The following SORCS1 variants were observed in gnomAD, a reference collection of about 807,000 sequenced individuals.
SORCS1 encodes the protein VPS10 domain-containing receptor SorCS1.
Under a neutral mutation model 146.1 loss-of-function variants are expected in SORCS1, and 60 were observed. That is an observed-to-expected ratio of 0.41 (90% CI 0.33 to 0.51). SORCS1 has a LOEUF of 0.51. Among genes scored for constraint, SORCS1 ranks in the 20% least tolerant of loss-of-function variants. The probability of loss-of-function intolerance (pLI) is 0.21; values close to 1 mark genes in which losing one functional copy is unlikely to be tolerated. For synonymous variants in SORCS1, 637 were observed against 584.0 expected, an observed-to-expected ratio of 1.09 and a Z score of -1.31; for missense variants, 1,352 against 1,487.6, an observed-to-expected ratio of 0.91 and a Z score of 1.50.
intron 1 of SORCS1, among the ~76,000 whole-genome samples, chr10:106,998,145 CAT>C (rs1957075534): frequency 6.6e-6 from 1 of 152,246 alleles, no homozygotes; most frequent in Admixed American, 6.5e-5. Context: ...CATACATTCA[CAT>C]GTTTATATCC....
intron 1 of SORCS1, among the ~76,000 whole-genome samples, chr10:107,106,203 A>C (rs2134418084): frequency 6.6e-6 from 1 of 152,366 alleles, no homozygotes; most frequent in East Asian, 1.9e-4. Flanking sequence ...CTCACTCTTA[A>C]GAGTGTATTA....
intron 2 of SORCS1, among the ~76,000 whole-genome samples, chr10:106,838,058 C>T (rs568946994): frequency 6.6e-6 from 1 of 152,200 alleles, no homozygotes; most frequent in Non-Finnish European, 1.5e-5. Context: ...ACAGTAGGCA[C>T]TATTTGCTTT....
At chr10:106,625,862 T>G (rs1848075185) in intron 19 of SORCS1, among the ~76,000 whole-genome samples, 1 of 152,064 alleles carries the variant, frequency 6.6e-6, no homozygotes, top group Non-Finnish European at 1.5e-5. Context: ...TGAGCAGAAA[T>G]CTGCATGCTC....
At chr10:106,736,217 A>G (rs1333052384) in intron 5 of SORCS1, among the ~76,000 whole-genome samples, 2 of 152,222 alleles carry the variant, frequency 1.3e-5, no homozygotes, top group African/African-American at 2.4e-5. Flanking sequence ...CCAGCTTAAT[A>G]TAGTGCCCAA....
At chr10:106,605,794 A>G (rs754743710) in intron 23 of SORCS1, among the ~76,000 whole-genome samples, 9 of 152,204 alleles carry the variant, frequency 5.9e-5, no homozygotes, top group Admixed American at 2.0e-4. Context: ...TTACTTGCAC[A>G]CAGAGAAAAT....
At chr10:106,747,759 A>G (rs960343774) in intron 5 of SORCS1, among the ~76,000 whole-genome samples, 7 of 152,204 alleles carry the variant, frequency 4.6e-5, no homozygotes, top group African/African-American at 7.2e-5. Context: ...TACAGTTAAC[A>G]ATAATCTATT....
chr10:107,163,854 C>T, intron 1 of SORCS1, 115 bp downstream of exon 1: 3 of 1,206,638 alleles, frequency 2.5e-6, no homozygotes, highest in Non-Finnish European at 3.4e-6. Flanking sequence ...GACCAGTTTG[C>T]AGCATCTCCC....
chr10:106,970,586 C>T (rs1220682808), intron 1 of SORCS1, among the ~76,000 whole-genome samples: 1 of 152,090 alleles, frequency 6.6e-6, no homozygotes, highest in Non-Finnish European at 1.5e-5. Context: ...AGGTGATTTG[C>T]CCGCCTTGGC....
At chr10:107,137,353 T>C (rs1201018343) in intron 1 of SORCS1, among the ~76,000 whole-genome samples, 1 of 152,166 alleles carries the variant, frequency 6.6e-6, no homozygotes, top group Non-Finnish European at 1.5e-5. Context: ...GATGTCAGCA[T>C]ATAGTATACC....
intron 2 of SORCS1, among the ~76,000 whole-genome samples, chr10:106,923,930 G>A (rs548482003): frequency 1.4e-4 from 22 of 152,118 alleles, no homozygotes; most frequent in Non-Finnish European, 2.9e-4. Context: ...CCAATCTGTG[G>A]ACTGTCTTCT....
chr10:106,583,547 C>T (rs1385135563), intron 24 of SORCS1, among the ~76,000 whole-genome samples: 1 of 152,090 alleles, frequency 6.6e-6, no homozygotes. Flanking sequence ...TGCTTTGTCA[C>T]CCAGACTGGA....
At chr10:107,101,015 C>T (rs1389261054) in intron 1 of SORCS1, among the ~76,000 whole-genome samples, 1 of 152,128 alleles carries the variant, frequency 6.6e-6, no homozygotes, top group African/African-American at 2.4e-5. Flanking sequence ...CCTCCTCAGC[C>T]TCCTGAGTAG....
chr10:107,013,126 T>C (rs990776534), intron 1 of SORCS1, among the ~76,000 whole-genome samples: 6 of 152,144 alleles, frequency 3.9e-5, no homozygotes, highest in African/African-American at 1.4e-4. Flanking sequence ...TAATTAATGT[T>C]GAATAAATAA....
At chr10:106,886,037 G>A (rs562679332) in intron 2 of SORCS1, among the ~76,000 whole-genome samples, 29 of 152,186 alleles carry the variant, frequency 1.9e-4, no homozygotes, top group South Asian at 1.2e-3. Flanking sequence ...CAAGGTGAGC[G>A]GATCACCTGA....
intron 17 of SORCS1, among the ~76,000 whole-genome samples, chr10:106,659,661 G>T (rs1206631123): frequency 6.6e-6 from 1 of 152,132 alleles, no homozygotes; most frequent in African/African-American, 2.4e-5. Flanking sequence ...TCACACAGGG[G>T]ATGACTGGCA....
intron 5 of SORCS1, among the ~76,000 whole-genome samples, chr10:106,737,844 G>A (rs919048588): frequency 6.6e-6 from 1 of 152,142 alleles, no homozygotes. Flanking sequence ...ATCAAAAAGA[G>A]CATGAGATTA....
At chr10:106,929,584 C>A (rs1019238070) in intron 2 of SORCS1, among the ~76,000 whole-genome samples, 1 of 152,142 alleles carries the variant, frequency 6.6e-6, no homozygotes, top group Non-Finnish European at 1.5e-5. Flanking sequence ...AGCAGATCAA[C>A]CAAAAAACGC....
chr10:106,987,048 C>T (rs143531872), intron 1 of SORCS1, among the ~76,000 whole-genome samples: 7 of 152,240 alleles, frequency 4.6e-5, no homozygotes, highest in African/African-American at 9.6e-5. Flanking sequence ...TCGAACCTTA[C>T]GGATGATGTT....
chr10:106,617,565 T>C (rs1459401563), intron 21 of SORCS1, among the ~76,000 whole-genome samples: 2 of 152,178 alleles, frequency 1.3e-5, no homozygotes, highest in African/African-American at 4.8e-5. Context: ...TACACATTCA[T>C]TCCATCTAAT....
Sources: gnomAD v4.1 joint callset for allele counts (sites outside exome capture counted in the v4.1 genomes callset) on GRCh38, gnomAD v4.1.1 for gene constraint, MANE v1.5 for transcripts, NCBI Gene and HGNC (gene_info 2026-07-23, HGNC 2026-07-21) for gene names.